The following GRIK2 variants were observed in gnomAD, a reference collection of about 807,000 sequenced individuals.
GRIK2 encodes the protein glutamate ionotropic receptor kainate type subunit 2, also known as glutamate receptor ionotropic, kainate 2.
In GRIK2, 32 loss-of-function variants were observed where a neutral mutation model predicts 100.3. The ratio of observed to expected loss-of-function variants is 0.32; its 90% CI spans 0.24 to 0.43. The LOEUF (loss-of-function observed/expected upper bound fraction) is 0.43, where lower values mean the gene tolerates loss of function less well. Among genes scored for constraint, GRIK2 ranks in the 20% least tolerant of loss-of-function variants. The probability of loss-of-function intolerance (pLI) is 1.00; values close to 1 mark genes in which losing one functional copy is unlikely to be tolerated. For missense variants in GRIK2, 843 were observed against 1,114.9 expected (o/e 0.76, Z 3.47); for synonymous variants, 417 against 389.4 (o/e 1.07, Z -0.83).
chr6:101,769,339 G>A (rs1240308867), intron 7 of GRIK2, among the ~76,000 whole-genome samples: 1 of 152,112 alleles, frequency 6.6e-6, no homozygotes, highest in African/African-American at 2.4e-5. Context: ...TAGCCTTTAA[G>A]AGGTCAGAAA....
intron 10 of GRIK2, among the ~76,000 whole-genome samples, chr6:101,856,502 T>G (rs2128441955): frequency 6.6e-6 from 1 of 152,260 alleles, no homozygotes; most frequent in African/African-American, 2.4e-5. Flanking sequence ...TTATTGAATT[T>G]GATGTGTGTG....
intron 7 of GRIK2, among the ~76,000 whole-genome samples, chr6:101,752,449 T>C (rs1776852019): frequency 6.6e-6 from 1 of 152,234 alleles, no homozygotes; most frequent in Admixed American, 6.5e-5. Flanking sequence ...ACTGTGGTAC[T>C]CATTGCTTTC....
At chr6:101,503,551 C>T (rs1413824236) in intron 2 of GRIK2, among the ~76,000 whole-genome samples, 1 of 152,098 alleles carries the variant, frequency 6.6e-6, no homozygotes, top group East Asian at 1.9e-4. Flanking sequence ...TTAGTTTTTC[C>T]TGACAGGCTT....
chr6:101,823,815 T>C (rs2128424579), intron 10 of GRIK2, among the ~76,000 whole-genome samples: 1 of 151,770 alleles, frequency 6.6e-6, no homozygotes, highest in African/African-American at 2.4e-5. Flanking sequence ...TTTATTTCTA[T>C]GGGTTTTCGG....
intron 14 of GRIK2, among the ~76,000 whole-genome samples, chr6:101,936,132 T>G (rs944276179): frequency 4.6e-5 from 7 of 152,054 alleles, no homozygotes; most frequent in African/African-American, 1.7e-4. Flanking sequence ...TGATCACCAA[T>G]GTATCTGGGC....
chr6:101,890,339 G>C (rs1378912061), intron 12 of GRIK2: 1 of 152,382 alleles, frequency 6.6e-6, no homozygotes, highest in East Asian at 1.9e-4. Flanking sequence ...CATAATATTT[G>C]TGGTTTTTTT....
At chr6:101,597,649 C>T (rs1366338017) in intron 2 of GRIK2, among the ~76,000 whole-genome samples, 1 of 151,724 alleles carries the variant, frequency 6.6e-6, no homozygotes, top group African/African-American at 2.4e-5. Context: ...TTTAGAACTT[C>T]TTCAGTTTTA....
chr6:101,898,202 TG>T (rs1444933112), intron 12 of GRIK2, among the ~76,000 whole-genome samples: 1 of 151,884 alleles, frequency 6.6e-6, no homozygotes, highest in Non-Finnish European at 1.5e-5. Context: ...GTTTTCTTTT[TG>T]TTGAATGCTG....
chr6:102,031,584 A>T (rs1171127239), intron 14 of GRIK2, among the ~76,000 whole-genome samples: 1 of 151,196 alleles, frequency 6.6e-6, no homozygotes, highest in Non-Finnish European at 1.5e-5. Context: ...TAGTGAGCAT[A>T]GTCTGCAATA....
chr6:101,887,892 A>G (rs1482748616), intron 11 of GRIK2, among the ~76,000 whole-genome samples: 1 of 152,156 alleles, frequency 6.6e-6, no homozygotes, highest in Non-Finnish European at 1.5e-5. Flanking sequence ...GCAGATTAAA[A>G]TTCAATGTGA....
At chr6:101,448,697 G>A (rs1038756472) in intron 2 of GRIK2, among the ~76,000 whole-genome samples, 15 of 151,590 alleles carry the variant, frequency 9.9e-5, no homozygotes, top group African/African-American at 3.6e-4. Flanking sequence ...CAAAAAGATT[G>A]GCAAGAAGTC....
intron 14 of GRIK2, among the ~76,000 whole-genome samples, chr6:102,007,445 C>A (rs1376721604): frequency 6.6e-6 from 1 of 152,030 alleles, no homozygotes; most frequent in East Asian, 1.9e-4. Context: ...CTTTTCCTGC[C>A]ACCTTCACTT....
intron 14 of GRIK2, among the ~76,000 whole-genome samples, chr6:101,932,005 G>T (rs996784675): frequency 6.6e-6 from 1 of 151,988 alleles, no homozygotes; most frequent in Non-Finnish European, 1.5e-5. Context: ...AAGTATAAAG[G>T]CTAGGAGAAT....
chr6:102,052,720 T>G (rs1280404232), intron 15 of GRIK2, among the ~76,000 whole-genome samples: 1 of 152,168 alleles, frequency 6.6e-6, no homozygotes, highest in Admixed American at 6.5e-5. Context: ...GGATTAAGAA[T>G]TTTCTATATT....
intron 2 of GRIK2, among the ~76,000 whole-genome samples, chr6:101,609,556 G>C (rs2128312810): frequency 6.6e-6 from 1 of 151,876 alleles, no homozygotes; most frequent in East Asian, 2.0e-4. Flanking sequence ...GGAAAATAAT[G>C]GCCATTTGAT....
chr6:101,610,515 A>AT (rs1779623412), intron 2 of GRIK2, among the ~76,000 whole-genome samples: 1 of 151,800 alleles, frequency 6.6e-6, no homozygotes, highest in Admixed American at 6.6e-5. Flanking sequence ...ACATCAATGT[A>AT]TTTTTTGCAA....
At chr6:101,851,539 A>G (rs1343933362) in intron 10 of GRIK2, among the ~76,000 whole-genome samples, 1 of 152,040 alleles carries the variant, frequency 6.6e-6, no homozygotes, top group Non-Finnish European at 1.5e-5. Flanking sequence ...AGATAGTCAT[A>G]TGTTGCTACC....
chr6:101,625,239 G>A (rs1429720117), intron 3 of GRIK2, among the ~76,000 whole-genome samples: 1 of 152,032 alleles, frequency 6.6e-6, no homozygotes, highest in Non-Finnish European at 1.5e-5. Context: ...CAGGCTTGGT[G>A]GCATGTGCCT....
intron 7 of GRIK2, among the ~76,000 whole-genome samples, chr6:101,796,141 C>T (rs535454354): frequency 1.3e-5 from 2 of 152,238 alleles, no homozygotes; most frequent in Non-Finnish European, 2.9e-5. Flanking sequence ...AAATCCAGCT[C>T]TACGTCTATA....
Sources: allele counts gnomAD v4.1 joint callset (sites outside exome capture counted in the v4.1 genomes callset), GRCh38; gene constraint gnomAD v4.1.1; transcripts MANE v1.5; gene names NCBI Gene and HGNC (gene_info 2026-07-23, HGNC 2026-07-21).